GALNT9: variants seen among roughly 807,000 people sequenced by gnomAD.
The protein encoded by GALNT9 is GalNAc transferase 9.
GALNT9 carries 47 observed loss-of-function variants against 63.1 expected under a neutral mutation model. The observed-to-expected ratio is 0.75, with a 90% CI of 0.59 to 0.95. GALNT9 has a LOEUF of 0.95. GALNT9 is among the 40% of genes least tolerant of loss of function. GALNT9 has a pLI of 0.00. For missense variants in GALNT9, 829 were observed against 874.8 expected (o/e 0.95, Z 0.66); for synonymous variants, 396 against 365.7 (o/e 1.08, Z -0.94).
chr12:132,226,030 A>G (rs1364348556), intron 6 of GALNT9, among the ~76,000 whole-genome samples: 1 of 127,224 alleles, frequency 7.9e-6, no homozygotes, highest in East Asian at 2.4e-4. Flanking sequence ...CCCCACATAC[A>G]CCCCATACAC....
In GALNT9 at chr12:132,197,864, C is replaced by G. The variant is rs545522475; in HGVS notation, c.1593G>C (p.Thr531=). ...ACTTCTTCAGGGTGGGCATGCGGCCCGTGCCGTCATCCACCAGACACTTGG... is the reference window on the plus strand; with the variant it reads ...ACTTCTTCAGGGTGGGCATGCGGCCGGTGCCGTCATCCACCAGACACTTGG... ...PDSKCLVDDG[T]GRMPTLKKCE... is the part of the protein sequence containing the mutation. Residue 531 remains threonine (T), a synonymous_variant, in exon 10 of 11, where the codon ACG becomes ACC. Transcript: ENST00000328957. The G allele has an allele frequency of 1.0e-4, 163 of 1,609,944 alleles. 1 individual carries two copies. The South Asian group carries it at 1.5e-3, about 14-fold the overall frequency.
intron 6 of GALNT9, among the ~76,000 whole-genome samples, chr12:132,216,575 A>G (rs1352458563): frequency 6.6e-6 from 1 of 152,188 alleles, no homozygotes; most frequent in African/African-American, 2.4e-5. Flanking sequence ...GGCGGCACTG[A>G]GTGTCCCCCA....
intron 1 of GALNT9, among the ~76,000 whole-genome samples, chr12:132,317,624 G>T (rs781943514): frequency 4.6e-5 from 7 of 152,228 alleles, no homozygotes; most frequent in Non-Finnish European, 1.0e-4. Flanking sequence ...GTAAGCCTGT[G>T]TTGAGATTTT....
chr12:132,266,152 G>A (rs1378213369), intron 2 of GALNT9, among the ~76,000 whole-genome samples: 3 of 149,112 alleles, frequency 2.0e-5, no homozygotes, highest in Admixed American at 6.6e-5. Flanking sequence ...GCCTTTACAC[G>A]CCTGACCTCG....
At chr12:132,299,173 C>T (rs1555243583) in intron 1 of GALNT9, among the ~76,000 whole-genome samples, 1 of 144,554 alleles carries the variant, frequency 6.9e-6, no homozygotes, top group Non-Finnish European at 1.5e-5. Context: ...CTAACCCACC[C>T]CTGAGATAAC....
At chr12:132,306,177 G>A (rs921826672) in intron 1 of GALNT9, among the ~76,000 whole-genome samples, 33 of 152,368 alleles carry the variant, frequency 2.2e-4, no homozygotes, top group African/African-American at 2.2e-4. Context: ...CACAGGCAGC[G>A]TTGGAAGCGG....
chr12:132,214,577 G>A (rs1261754630), intron 6 of GALNT9, among the ~76,000 whole-genome samples: 14 of 152,226 alleles, frequency 9.2e-5, no homozygotes, highest in Admixed American at 9.2e-4. Flanking sequence ...GATGGCCCAT[G>A]CCCCAGAGCT....
chr12:132,309,121 C>T (rs1881724034), intron 1 of GALNT9, among the ~76,000 whole-genome samples: 1 of 152,238 alleles, frequency 6.6e-6, no homozygotes, highest in Non-Finnish European at 1.5e-5. Context: ...GCAGGCGTGT[C>T]TGTCCCACGC....
Position 132,196,759 on chromosome 12 carries a change from G to A in GALNT9, c.*348C>T. The A allele has an allele frequency of 9.4e-7, 1 of 1,064,608 alleles. No individual in the cohort carries two copies. The highest frequency in any genetic ancestry group is 1.1e-6 in the Non-Finnish European group (1 of 879,296). The allele number at this position is 1,064,608 out of a possible 1,614,324, so 65.9% of individuals were successfully genotyped here. The stretch of plus-strand genomic sequence containing the variant: ...GGTGCAGCCTGGTGCATGGTCCGGG[G>A]CTTGGCCTCCCTATGGGGCGTGGGG... On this transcript the variant is annotated 3_prime_UTR_variant, in exon 11 of 11. Coordinates refer to ENST00000328957, the MANE Select transcript of GALNT9 (RefSeq NM_001122636.2).
At chr12:132,308,008 C>G (rs1555244799) in intron 1 of GALNT9, among the ~76,000 whole-genome samples, 2 of 150,988 alleles carry the variant, frequency 1.3e-5, no homozygotes, top group Non-Finnish European at 2.9e-5. Flanking sequence ...TGCACTCCAG[C>G]CTGGGCAACA....
rs1555238662 is a variant in GALNT9, at chr12:132,252,406, G to A, written c.960-4379C>T. On this transcript the variant is annotated intron_variant, in intron 5 of 10. Transcript: ENST00000328957. The surrounding 1 kb of genome is among the most constrained non-coding windows in gnomAD (Gnocchi z 5.2). ...TTTCTGAGAAGGCAGAGAAGCACGT[G>A]CCACGTTTTAGAAAGAGTTTGCATC... 6.6e-6 allele frequency among the ~76,000 whole-genome samples: 1 copy of A among 152,226 alleles called. No homozygotes were observed.
chr12:132,270,279 G>A (rs1555240602), intron 2 of GALNT9, among the ~76,000 whole-genome samples: 1 of 152,180 alleles, frequency 6.6e-6, no homozygotes, highest in Non-Finnish European at 1.5e-5. Context: ...GAGGCCCCGT[G>A]TCTCCCTGAA....
Position 132,286,430 on chromosome 12 carries a change from C to G in GALNT9, c.239G>C (p.Gly80Ala). Residue 80 changes from glycine to alanine, a missense_variant and splice_region_variant, in exon 2 of 11, where the codon GGC becomes GCC. Gly to Ala is a moderately conservative substitution (Grantham distance 60). Transcript: ENST00000328957. The surrounding 1 kb of genome is among the most constrained non-coding windows in gnomAD (Gnocchi z 7.4). ...LEEVVYNQLN[G>A]LAKPIGLVEG... ...CACCAGGCCGATGGGCTTGGCAAGG[C>G]CTGGGGGAAAGGAAGAGAGGGAGGT... 1.3e-6 allele frequency: 2 copies of G among 1,548,386 alleles called. No individual in the cohort carries two copies. Among genetic ancestry groups the G allele is most frequent in the Non-Finnish European group, 1.7e-6 (2 of 1,145,996 alleles).
At chr12:132,266,877 G>T (rs1384937674) in intron 2 of GALNT9, among the ~76,000 whole-genome samples, 6 of 152,134 alleles carry the variant, frequency 3.9e-5, no homozygotes, top group African/African-American at 1.4e-4. Context: ...GGGGGGTCCT[G>T]AGCCTCTGTC....
In GALNT9 at chr12:132,225,870, AC is replaced by A. The variant is rs1204452648; in HGVS notation, c.1077+22039del. 2.1e-3 allele frequency among the ~76,000 whole-genome samples: 247 copies of A among 115,956 alleles called. 1 individual carries two copies. The highest frequency in any genetic ancestry group is 7.6e-3 in the African/African-American group (222 of 29,094). 76.1% of individuals were successfully genotyped at this position (115,956 alleles called of 152,430 possible). A position where few individuals can be genotyped will look rare whatever the true frequency, so the allele number is the denominator to read the frequency against. Reference sequence around the variant, plus strand: ...CACACCCCACACACTGTGTATACACACCCCCCATACACACCACACACCCCAC... The same window carrying A: ...CACACCCCACACACTGTGTATACACACCCCCATACACACCACACACCCCAC... On this transcript the variant is annotated intron_variant, in intron 6 of 10. Coordinates refer to ENST00000328957, the MANE Select transcript of GALNT9 (RefSeq NM_001122636.2).
Position 132,246,918 on chromosome 12 carries a change from C to T in GALNT9, c.1077+992G>A, listed in dbSNP as rs532496472. On this transcript the variant is annotated intron_variant, in intron 6 of 10. Transcript: ENST00000328957. This position sits in a 1 kb window ranked among gnomAD's most constrained non-coding sequence, Gnocchi z 4.7. ...GTTTTATTGATTGAATTTGTGTCCA[C>T]GATAGTACGATCTTTAAAGTGAACC... 6.6e-6 allele frequency among the ~76,000 whole-genome samples: 1 copy of T among 152,278 alleles called. No individual in the cohort carries two copies. The highest frequency in any genetic ancestry group is 1.5e-5 in the Non-Finnish European group (1 of 68,028).
chr12:132,254,039 T>C (rs1185545801), intron 5 of GALNT9, among the ~76,000 whole-genome samples: 2 of 151,630 alleles, frequency 1.3e-5, no homozygotes, highest in African/African-American at 4.9e-5. Context: ...TTTTTTTTTT[T>C]AGACTGAATT....
chr12:132,207,076 G>T (rs1004889738), intron 6 of GALNT9, among the ~76,000 whole-genome samples: 6 of 152,174 alleles, frequency 3.9e-5, no homozygotes, highest in African/African-American at 1.4e-4. Context: ...AACATAAAAA[G>T]TAAAAATAAA....
chr12:132,253,522 G>T (rs1244824982), intron 5 of GALNT9, among the ~76,000 whole-genome samples: 2 of 144,568 alleles, frequency 1.4e-5, no homozygotes, highest in African/African-American at 2.6e-5. Context: ...GTTATTCCTA[G>T]ATTATATTAG....
Sources: gnomAD v4.1 joint callset for allele counts (sites outside exome capture counted in the v4.1 genomes callset) on GRCh38, gnomAD v4.1.1 for gene constraint, Gnocchi (gnomAD v3.1) non-coding constraint, MANE v1.5 for transcripts, NCBI Gene and HGNC (gene_info 2026-07-23, HGNC 2026-07-21) for gene names.